KLHL32: variants seen among roughly 807,000 people sequenced by gnomAD.
KLHL32 encodes the protein kelch like family member 32.
KLHL32 carries 35 observed loss-of-function variants against 64.8 expected under a neutral mutation model. The observed-to-expected ratio is 0.54, with a 90% CI of 0.41 to 0.72. The LOEUF (loss-of-function observed/expected upper bound fraction) is 0.72, where lower values mean the gene tolerates loss of function less well. KLHL32 is among the 30% of genes least tolerant of loss of function. The probability of loss-of-function intolerance (pLI) is 0.00; values close to 1 mark genes in which losing one functional copy is unlikely to be tolerated. For synonymous variants in KLHL32, 259 were observed against 281.0 expected (o/e 0.92, Z 0.78); for missense variants, 589 against 768.5 (o/e 0.77, Z 2.76).
chr6:96,909,145 G>T, the KLHL32 span, among the ~76,000 whole-genome samples: 2 of 152,038 alleles, frequency 1.3e-5, no homozygotes, highest in Non-Finnish European at 2.9e-5. Context: ...TAAGTTATCA[G>T]ACAAGAGGGA....
chr6:97,126,994 G>A (rs1458689755), intron 7 of KLHL32, among the ~76,000 whole-genome samples: 1 of 152,090 alleles, frequency 6.6e-6, no homozygotes, highest in Non-Finnish European at 1.5e-5. Flanking sequence ...GTTAGAGTAC[G>A]GATGTTAGAG....
chr6:97,043,619 C>T (rs912067236), intron 4 of KLHL32, among the ~76,000 whole-genome samples: 31 of 152,010 alleles, frequency 2.0e-4, no homozygotes, highest in Non-Finnish European at 2.9e-5. Flanking sequence ...TTTATTTTTA[C>T]TTTTTTGAAG....
At chr6:97,027,906 GC>G (rs1782970926) in intron 3 of KLHL32, among the ~76,000 whole-genome samples, 1 of 152,126 alleles carries the variant, frequency 6.6e-6, no homozygotes, top group South Asian at 2.1e-4. Context: ...TATTTGAAAG[GC>G]TATTAAGCAG....
At chr6:97,112,489 C>T (rs1309762234) in intron 6 of KLHL32, among the ~76,000 whole-genome samples, 1 of 151,566 alleles carries the variant, frequency 6.6e-6, no homozygotes, top group African/African-American at 2.4e-5. Context: ...CTCTGTTGCC[C>T]AGGCTGGAGT....
intron 2 of KLHL32, among the ~76,000 whole-genome samples, chr6:96,971,029 AT>A (rs58279291): frequency 0.22 from 33,283 of 151,540 alleles, 4,148 homozygotes; most frequent in African/African-American, 0.34. Context: ...TTACTGTTAG[AT>A]TTTTTTTTGT....
intron 3 of KLHL32, among the ~76,000 whole-genome samples, chr6:97,016,419 A>G (rs1781202409): frequency 6.6e-6 from 1 of 152,214 alleles, no homozygotes; most frequent in Non-Finnish European, 1.5e-5. Flanking sequence ...TTAAGGTTTA[A>G]TGACTGCCTT....
At chr6:97,008,971 G>C (rs1780020617) in intron 3 of KLHL32, among the ~76,000 whole-genome samples, 2 of 152,022 alleles carry the variant, frequency 1.3e-5, no homozygotes, top group South Asian at 4.2e-4. Context: ...GTTTTAGACT[G>C]AGACCAGTCT....
intron 1 of KLHL32, among the ~76,000 whole-genome samples, chr6:96,943,742 G>T (rs1011602088): frequency 6.6e-6 from 1 of 152,138 alleles, no homozygotes; most frequent in East Asian, 1.9e-4. Flanking sequence ...TAAACACTTC[G>T]AGCTTCCTGC....
chr6:97,088,942 A>AT (rs1321274658), intron 6 of KLHL32, among the ~76,000 whole-genome samples: 3 of 152,092 alleles, frequency 2.0e-5, no homozygotes, highest in African/African-American at 7.2e-5. Flanking sequence ...TAAGAGGGAG[A>AT]TTACTGTTTT....
chr6:97,000,822 A>G (rs1346879144), intron 3 of KLHL32, among the ~76,000 whole-genome samples: 1 of 152,246 alleles, frequency 6.6e-6, no homozygotes, highest in East Asian at 1.9e-4. Flanking sequence ...ACTATGCTAT[A>G]TTCATAAAAT....
intron 7 of KLHL32, among the ~76,000 whole-genome samples, chr6:97,124,020 G>A (rs1163513115): frequency 1.3e-5 from 2 of 152,166 alleles, no homozygotes; most frequent in African/African-American, 4.8e-5. Flanking sequence ...TTATGTGAAG[G>A]GAATGTAATG....
chr6:97,056,306 C>T (rs1357560056), intron 4 of KLHL32, among the ~76,000 whole-genome samples: 2 of 151,884 alleles, frequency 1.3e-5, no homozygotes, highest in Non-Finnish European at 2.9e-5. Context: ...GGGGTTTCAC[C>T]ATGTTAGCCA....
In KLHL32 at chr6:97,039,639, G is replaced by C. The variant is rs1374353123; in HGVS notation, c.205-1853G>C. Among the ~76,000 whole-genome samples the C allele has an allele frequency of 1.7e-4, 24 of 142,180 alleles. 2 individuals are homozygous for C. Among genetic ancestry groups the C allele is most frequent in the Non-Finnish European group, 3.5e-4 (23 of 65,722 alleles). 93.3% of individuals were successfully genotyped at this position (142,180 alleles called of 152,430 possible). A position where few individuals can be genotyped will look rare whatever the true frequency, so the allele number is the denominator to read the frequency against. On this transcript the variant is annotated intron_variant, in intron 3 of 10. Transcript: ENST00000369261. ...GTTCAAGACCAGCCTGGCCAATATGGTGAAACCCCATCTCTACTAAAAATA... is the reference window on the plus strand; with the variant it reads ...GTTCAAGACCAGCCTGGCCAATATGCTGAAACCCCATCTCTACTAAAAATA...
At chr6:97,000,814 T>C (rs1159527587) in intron 3 of KLHL32, among the ~76,000 whole-genome samples, 1 of 152,210 alleles carries the variant, frequency 6.6e-6, no homozygotes, top group Non-Finnish European at 1.5e-5. Flanking sequence ...ATAGGTAAAC[T>C]ATGCTATATT....
chr6:97,001,224 A>T (rs533324991), intron 3 of KLHL32, among the ~76,000 whole-genome samples: 1 of 152,314 alleles, frequency 6.6e-6, no homozygotes, highest in Admixed American at 6.5e-5. Context: ...ATTTTACCAT[A>T]CTGGTGGGGC....
chr6:97,091,971 C>G (rs1562327235), intron 6 of KLHL32, among the ~76,000 whole-genome samples: 1 of 140,754 alleles, frequency 7.1e-6, no homozygotes, highest in African/African-American at 2.6e-5. Flanking sequence ...TTCTTCAATT[C>G]TCTTTCTTTC....
intron 7 of KLHL32, among the ~76,000 whole-genome samples, chr6:97,125,389 A>G (rs1798769999): frequency 6.6e-6 from 1 of 152,202 alleles, no homozygotes; most frequent in Non-Finnish European, 1.5e-5. Context: ...TATTCAAAGT[A>G]TTTGAACTGT....
intron 7 of KLHL32, among the ~76,000 whole-genome samples, chr6:97,125,336 C>T (rs113108879): frequency 0.031 from 4,768 of 152,178 alleles, 240 homozygotes; most frequent in African/African-American, 0.11. Context: ...CCTCTGGATT[C>T]TTGTTGACTT....
chr6:96,909,636 G>A, the KLHL32 span, among the ~76,000 whole-genome samples: 3 of 152,208 alleles, frequency 2.0e-5, no homozygotes, highest in African/African-American at 7.2e-5. Context: ...GATGGTTAGA[G>A]GCAGGTTCAG....
Sources: allele counts gnomAD v4.1 joint callset (sites outside exome capture counted in the v4.1 genomes callset), GRCh38; gene constraint gnomAD v4.1.1; transcripts MANE v1.5; gene names NCBI Gene and HGNC (gene_info 2026-07-23, HGNC 2026-07-21).